The following DNMT3B variants were observed in gnomAD, a reference collection of about 807,000 sequenced individuals.
DNMT3B encodes the protein DNA (cytosine-5)-methyltransferase 3B.
Under a neutral mutation model 120.2 loss-of-function variants are expected in DNMT3B, and 37 were observed. The observed-to-expected ratio is 0.31, with a 90% CI of 0.24 to 0.40. The LOEUF is 0.40. Among genes scored for constraint, DNMT3B ranks in the 10% least tolerant of loss-of-function variants. The pLI, the probability that DNMT3B is intolerant of heterozygous loss-of-function variation, is 1.00. For synonymous variants in DNMT3B, 412 were observed against 442.8 expected (o/e 0.93, Z 0.87); for missense variants, 878 against 1,137.3 (o/e 0.77, Z 3.28).
chr20:32,774,875 C>T (rs866577309), intron 1 of DNMT3B, among the ~76,000 whole-genome samples: 2 of 152,064 alleles, frequency 1.3e-5, no homozygotes, highest in Non-Finnish European at 2.9e-5. Flanking sequence ...CCCACCACCA[C>T]GACCGGCTAA....
chr20:32,794,012 G>C (rs1454532037), intron 10 of DNMT3B, among the ~76,000 whole-genome samples: 1 of 151,968 alleles, frequency 6.6e-6, no homozygotes, highest in Admixed American at 6.6e-5. Flanking sequence ...TATAGAATGG[G>C]AGCCATATTA....
chr20:32,807,910 C>G lies in DNMT3B; in HGVS notation c.*7C>G, dbSNP rs1982145203. 1.2e-6 allele frequency: 2 copies of G among 1,614,158 alleles called. No homozygotes were observed. The highest frequency in any genetic ancestry group is 2.2e-5 in the South Asian group (2 of 91,086). On this transcript the variant is annotated 3_prime_UTR_variant, in exon 23 of 23. Coordinates refer to ENST00000328111, the MANE Select transcript of DNMT3B (RefSeq NM_006892.4). The stretch of plus-strand genomic sequence containing the variant: ...CTACTTTGCATGTGAATAGTTCCAG[C>G]CAGGCCCCAAGCCCACTGGGGTGTG...
At chr20:32,780,099 C>T (rs761612686) in intron 1 of DNMT3B, 50 of 1,612,714 alleles carry the variant, frequency 3.1e-5, no homozygotes, top group African/African-American at 2.7e-5. Context: ...TCTGAGCCTT[C>T]GGGACAGCCT....
rs947146161 is a variant in DNMT3B at position 32,795,334 on chromosome 20, T to A, written c.1127-75T>A. ...TTGCAGCTGGTACCCAGGCATAGCA[T>A]GGTCTTGTCCTGGGCCCGCATTCTC... On this transcript the variant is annotated intron_variant, in intron 10 of 22. Coordinates refer to ENST00000328111, the MANE Select transcript of DNMT3B (RefSeq NM_006892.4). 1.9e-6 allele frequency: 3 copies of A among 1,608,682 alleles called. No homozygotes were observed. The Admixed American group carries it at 5.0e-5, about 27-fold the overall frequency.
intron 1 of DNMT3B, among the ~76,000 whole-genome samples, chr20:32,768,679 G>T (rs967344293): frequency 6.6e-5 from 10 of 152,094 alleles, no homozygotes; most frequent in African/African-American, 2.4e-4. Context: ...CATCTGAATG[G>T]ATACAGGAGG....
chr20:32,782,594 C>T (rs1265883996), intron 3 of DNMT3B, among the ~76,000 whole-genome samples: 3 of 152,160 alleles, frequency 2.0e-5, no homozygotes, highest in African/African-American at 7.2e-5. Flanking sequence ...GAATAGAGTA[C>T]AAGAAGATAT....
chr20:32,783,238 T>C (rs1388850657), intron 3 of DNMT3B, among the ~76,000 whole-genome samples: 1 of 152,234 alleles, frequency 6.6e-6, no homozygotes, highest in Non-Finnish European at 1.5e-5. Context: ...ATTTTATTTC[T>C]TTAAATATAT....
chr20:32,785,878 CTTTCTTTTTT>C (rs376154990), intron 4 of DNMT3B, among the ~76,000 whole-genome samples: 9,025 of 151,238 alleles, frequency 0.06, 827 homozygotes, highest in African/African-American at 0.2. Context: ...TTCTTTCTTT[CTTTCTTTTTT>C]TTTCTTTTTT....
chr20:32,787,174 C>T, intron 5 of DNMT3B, 56 bp from the exon 6 acceptor site: 1 of 1,606,550 alleles, frequency 6.2e-7, no homozygotes. Context: ...TGCCGTTGGT[C>T]TCTGGTCACC....
intron 17 of DNMT3B, 68 bp from the exon 18 acceptor site, chr20:32,800,767 C>G: frequency 6.4e-7 from 1 of 1,552,076 alleles, no homozygotes; most frequent in Non-Finnish European, 8.9e-7. Context: ...ACGCAAGATT[C>G]TAGAAGTGGG....
intron 15 of DNMT3B, among the ~76,000 whole-genome samples, chr20:32,798,851 C>T (rs1980982541): frequency 6.6e-6 from 1 of 152,232 alleles, no homozygotes; most frequent in South Asian, 2.1e-4. Context: ...GCCGGCTTCT[C>T]AGCGTATGGA....
Position 32,798,545 on chromosome 20 carries a change from A to C in DNMT3B, c.1576A>C (p.Met526Leu). Residue 526 changes from methionine (M) to leucine (L), a missense_variant, in exon 15 of 23, where the codon ATG (methionine) becomes CTG (leucine). Met to Leu is a conservative substitution (Grantham distance 15, BLOSUM62 2). This residue lies in a region of DNMT3B where 334 missense variants were observed against 518.8 expected (regional missense o/e 0.64). Transcript: ENST00000328111. ...AKLQEPWSCY[M>L]CLPQRCHGVL... ...GCTTCAGGAGCCCTGGAGCTGTTAC[A>C]TGTGTCTCCCGCAGCGCTGTCATGG... The C allele has an allele frequency of 1.2e-6, 2 of 1,614,230 alleles. No individual in the cohort carries two copies. Among genetic ancestry groups the C allele is most frequent in the Non-Finnish European group, 1.7e-6 (2 of 1,180,040 alleles).
At chr20:32,780,090 C>G (rs2145904033) in intron 1 of DNMT3B, 1 of 1,612,366 alleles carries the variant, frequency 6.2e-7, no homozygotes, top group Non-Finnish European at 8.5e-7. Context: ...GTGCTGGCGT[C>G]TGAGCCTTCG....
At chr20:32,779,812 G>A (rs1370937873) in intron 1 of DNMT3B, 16 of 547,670 alleles carry the variant, frequency 2.9e-5, no homozygotes, top group Non-Finnish European at 4.6e-5. Context: ...TTCTGTGGGG[G>A]AGGAGGGGGT....
intron 1 of DNMT3B, among the ~76,000 whole-genome samples, chr20:32,778,794 C>T (rs1056251564): frequency 6.6e-6 from 1 of 152,200 alleles, no homozygotes; most frequent in Non-Finnish European, 1.5e-5. Flanking sequence ...GACTCTGTTT[C>T]TACAAAAAAT....
chr20:32,804,006 C>T (rs1981676842), intron 20 of DNMT3B, among the ~76,000 whole-genome samples: 1 of 152,146 alleles, frequency 6.6e-6, no homozygotes. Context: ...TGATGTTATG[C>T]CCCAGGAGGT....
intron 2 of DNMT3B, 138 bp downstream of exon 2, chr20:32,780,603 A>G (rs1041851718): frequency 1.8e-5 from 25 of 1,393,038 alleles, no homozygotes; most frequent in Admixed American, 1.1e-4. Flanking sequence ...TCTAGCAAGG[A>G]GGGATGCAGG....
intron 1 of DNMT3B, among the ~76,000 whole-genome samples, chr20:32,764,251 T>C (rs1568814171): frequency 6.6e-6 from 1 of 152,118 alleles, no homozygotes; most frequent in Non-Finnish European, 1.5e-5. Context: ...ACTAATAGGG[T>C]TGTGTAAGGA....
intron 14 of DNMT3B, 71 bp from the exon 15 acceptor site, chr20:32,798,389 G>A: frequency 6.3e-7 from 1 of 1,594,590 alleles, no homozygotes; most frequent in Non-Finnish European, 8.6e-7. Context: ...TTTCCCTGTG[G>A]AAGTGGTAAG....
Sources: gnomAD v4.1 joint callset for allele counts (sites outside exome capture counted in the v4.1 genomes callset) on GRCh38, gnomAD v4.1.1 for gene constraint, gnomAD v4.1.1 regional missense constraint, MANE v1.5 for transcripts, NCBI Gene and HGNC (gene_info 2026-07-23, HGNC 2026-07-21) for gene names.